The following MCC variants were observed in gnomAD, a reference collection of about 807,000 sequenced individuals.
MCC encodes MCC regulator of Wnt signaling pathway, also known as colorectal mutant cancer protein.
MCC carries 90 observed loss-of-function variants against 116.2 expected under a neutral mutation model. The ratio of observed to expected loss-of-function variants is 0.77; its 90% CI spans 0.65 to 0.92. The LOEUF (loss-of-function observed/expected upper bound fraction) is 0.92, where lower values mean the gene tolerates loss of function less well. Ranked by LOEUF, MCC falls within the 40% of genes least tolerant of loss-of-function variation. The pLI is 0.00. For missense variants in MCC, 1,516 were observed against 1,312.2 expected (o/e 1.16, Z -2.40); for synonymous variants, 578 against 510.5 (o/e 1.13, Z -1.78).
At chr5:113,048,646 T>C (rs112918397) in intron 16 of MCC, 23 of 225,640 alleles carry the variant, frequency 1.0e-4, no homozygotes, top group African/African-American at 4.7e-4. Context: ...GGTATGTATG[T>C]ATAGGGGAAA....
intron 3 of MCC, among the ~76,000 whole-genome samples, chr5:113,186,437 G>A (rs1427353410): frequency 6.6e-6 from 1 of 152,150 alleles, no homozygotes; most frequent in African/African-American, 2.4e-5. Flanking sequence ...TGGCGACAAT[G>A]AACTAGAAAT....
chr5:113,444,525 T>G (rs1160088649), intron 1 of MCC, among the ~76,000 whole-genome samples: 1 of 152,196 alleles, frequency 6.6e-6, no homozygotes. Context: ...TATCCACATG[T>G]CTAATCTTGT....
chr5:113,088,937 C>T (rs900593268), intron 8 of MCC, among the ~76,000 whole-genome samples: 7 of 152,186 alleles, frequency 4.6e-5, no homozygotes, highest in African/African-American at 1.7e-4. Flanking sequence ...GGGCATGCCA[C>T]TGCACACGGC....
chr5:113,024,734 G>A lies in MCC; in HGVS notation c.*2568C>T, dbSNP rs1580859803. On this transcript the variant is annotated 3_prime_UTR_variant, in exon 19 of 19. Coordinates refer to ENST00000408903, the MANE Select transcript of MCC (RefSeq NM_001085377.2). Reference sequence around the variant, plus strand: ...AGGAAAATTACCCAGGAACCTGCAAGCATTTAATTTAATCAGTATAGTTTA... The same window carrying A: ...AGGAAAATTACCCAGGAACCTGCAAACATTTAATTTAATCAGTATAGTTTA... 2.3e-5 allele frequency: 2 copies of A among 86,460 alleles called. No homozygotes were observed. Among genetic ancestry groups the A allele is most frequent in the African/African-American group, 5.3e-5 (1 of 18,886 alleles). 5.4% of individuals were successfully genotyped at this position (86,460 alleles called of 1,614,324 possible).
chr5:113,170,971 C>T (rs936132288), intron 3 of MCC, among the ~76,000 whole-genome samples: 5 of 151,972 alleles, frequency 3.3e-5, no homozygotes, highest in South Asian at 4.1e-4. Context: ...GTGGAAGCAC[C>T]GAGTACATGC....
chr5:113,246,281 C>T (rs1204121954), intron 3 of MCC, among the ~76,000 whole-genome samples: 2 of 152,172 alleles, frequency 1.3e-5, no homozygotes, highest in Admixed American at 1.3e-4. Flanking sequence ...CAATGAGATC[C>T]CTACCCACTG....
At chr5:113,432,020 C>T (rs960046573) in intron 1 of MCC, among the ~76,000 whole-genome samples, 1 of 152,178 alleles carries the variant, frequency 6.6e-6, no homozygotes, top group East Asian at 1.9e-4. Context: ...CCTGTAGTCC[C>T]AGCTACTTGG....
At chr5:113,299,070 C>T (rs879937879) in intron 3 of MCC, among the ~76,000 whole-genome samples, 11 of 151,848 alleles carry the variant, frequency 7.2e-5, no homozygotes, top group Non-Finnish European at 1.3e-4. Context: ...AGGCGGATCA[C>T]GAGGTCACCA....
chr5:113,101,077 C>G (rs1244686039), intron 8 of MCC, among the ~76,000 whole-genome samples: 1 of 152,144 alleles, frequency 6.6e-6, no homozygotes, highest in Non-Finnish European at 1.5e-5. Context: ...AACATTAGCT[C>G]CTTCAGTAAT....
chr5:113,389,672 C>T (rs1390138275), intron 1 of MCC, among the ~76,000 whole-genome samples: 1 of 152,032 alleles, frequency 6.6e-6, no homozygotes, highest in Non-Finnish European at 1.5e-5. Flanking sequence ...ACCATGAGCT[C>T]CTGGCAGCCA....
intron 3 of MCC, among the ~76,000 whole-genome samples, chr5:113,213,882 T>G (rs1490166163): frequency 1.3e-5 from 2 of 152,204 alleles, no homozygotes; most frequent in African/African-American, 4.8e-5. Context: ...CAGCTAATCC[T>G]TAAGTCCTTT....
rs200054847 is a variant in MCC, at chr5:113,122,818, T to C, written c.893A>G (p.Asp298Gly). The C allele has an allele frequency of 1.9e-6, 3 of 1,614,022 alleles. No individual in the cohort carries two copies. The highest frequency in any genetic ancestry group is 2.7e-5 in the African/African-American group (2 of 74,910). ...RLQGTTIREEDEYSELRSELS... is the reference protein window; with the variant it reads ...RLQGTTIREEGEYSELRSELS... ...TTCTGATCGCAGTTCTGAGTACTCA[T>C]CTTCCTCCCTGAGAAAAAAGGAGAA... The change falls in exon 6 of 19, where the codon GAT becomes GGT. Residue 298 changes from aspartate (D) to glycine (G), a missense_variant. Transcript: ENST00000408903.
chr5:113,103,292 C>A (rs1008931536), intron 7 of MCC, among the ~76,000 whole-genome samples: 2 of 152,198 alleles, frequency 1.3e-5, no homozygotes, highest in Non-Finnish European at 2.9e-5. Context: ...TCTCATCCTA[C>A]TTGGCTCTGC....
At chr5:113,291,030 T>C (rs1766474551) in intron 3 of MCC, among the ~76,000 whole-genome samples, 1 of 152,234 alleles carries the variant, frequency 6.6e-6, no homozygotes, top group South Asian at 2.1e-4. Flanking sequence ...ATAAGCCATT[T>C]ATGGTCAATA....
chr5:113,077,500 A>G (rs780803026), intron 11 of MCC, among the ~76,000 whole-genome samples: 17 of 152,202 alleles, frequency 1.1e-4, no homozygotes, highest in African/African-American at 3.6e-4. Flanking sequence ...GGATTAAGAA[A>G]CTCACTCAAA....
At chr5:113,214,249 G>A (rs527449290) in intron 3 of MCC, among the ~76,000 whole-genome samples, 9 of 152,230 alleles carry the variant, frequency 5.9e-5, no homozygotes, top group Admixed American at 6.5e-5. Context: ...AAAGAACGAC[G>A]GAGCTGAGAA....
At chr5:113,401,306 A>C (rs548179838) in intron 1 of MCC, among the ~76,000 whole-genome samples, 1 of 152,344 alleles carries the variant, frequency 6.6e-6, no homozygotes, top group South Asian at 2.1e-4. Flanking sequence ...TGTGAATGAT[A>C]AACTTACAAT....
At chr5:113,063,040 C>A (rs922102699) in intron 14 of MCC, among the ~76,000 whole-genome samples, 1 of 152,336 alleles carries the variant, frequency 6.6e-6, no homozygotes, top group Middle Eastern at 3.4e-3. Context: ...ATGCTAAGAT[C>A]CCGGGTTCCC....
chr5:113,481,653 C>G (rs187192343), intron 1 of MCC, among the ~76,000 whole-genome samples: 4 of 152,228 alleles, frequency 2.6e-5, no homozygotes, highest in African/African-American at 4.8e-5. Flanking sequence ...GCAGAAGAAT[C>G]GCTTGAACCC....
Sources: gnomAD v4.1 joint callset for allele counts (sites outside exome capture counted in the v4.1 genomes callset) on GRCh38, gnomAD v4.1.1 for gene constraint, MANE v1.5 for transcripts, NCBI Gene and HGNC (gene_info 2026-07-23, HGNC 2026-07-21) for gene names.